NDUFV2: variants seen among roughly 807,000 people sequenced by gnomAD.
NDUFV2 encodes the protein NADH:ubiquinone oxidoreductase core subunit V2.
NDUFV2 carries 18 observed loss-of-function variants against 31.6 expected under a neutral mutation model. The ratio of observed to expected loss-of-function variants is 0.57; its 90% CI spans 0.39 to 0.84. The LOEUF is 0.84. NDUFV2 is among the 40% of genes least tolerant of loss of function. NDUFV2 has a pLI of 0.00. For missense variants in NDUFV2, 314 were observed against 303.6 expected, an observed-to-expected ratio of 1.03 and a Z score of -0.26; for synonymous variants, 83 against 99.8, an observed-to-expected ratio of 0.83 and a Z score of 1.01.
At chr18:9,118,251 T>G (rs1188426194) in intron 2 of NDUFV2, among the ~76,000 whole-genome samples, 3 of 152,212 alleles carry the variant, frequency 2.0e-5, no homozygotes, top group African/African-American at 4.8e-5. Flanking sequence ...GACACTAGTT[T>G]GAAACTCATG....
In NDUFV2 at chr18:9,104,946, C is replaced by A. The variant is rs942686355; in HGVS notation, c.54+2149C>A. The A allele has an allele frequency of 5.2e-6, 8 of 1,551,258 alleles. No homozygotes were observed. The African/African-American group carries it at 1.1e-4, about 21-fold the overall frequency. On this transcript the variant is annotated intron_variant, in intron 1 of 7. Coordinates refer to ENST00000318388, the MANE Select transcript of NDUFV2 (RefSeq NM_021074.5). Reference sequence around the variant, plus strand: ...ATTTTGATGTCTACACATAACAGACCTTACAGACAATTTGTTTCTACAAAA... The same window carrying A: ...ATTTTGATGTCTACACATAACAGACATTACAGACAATTTGTTTCTACAAAA...
chr18:9,124,574 G>T (rs1214678094), intron 5 of NDUFV2, among the ~76,000 whole-genome samples: 1 of 149,512 alleles, frequency 6.7e-6, no homozygotes, highest in African/African-American at 2.5e-5. Context: ...TCAGCCTCCC[G>T]AGTAGGTGGC....
At chr18:9,116,935 G>A (rs1054818182) in intron 1 of NDUFV2, among the ~76,000 whole-genome samples, 2 of 152,094 alleles carry the variant, frequency 1.3e-5, no homozygotes, top group African/African-American at 4.8e-5. Flanking sequence ...AGGAGCAAGA[G>A]GGCAAAGAGA....
At chr18:9,112,189 T>G (rs903935187) in intron 1 of NDUFV2, among the ~76,000 whole-genome samples, 1 of 151,616 alleles carries the variant, frequency 6.6e-6, no homozygotes, top group Non-Finnish European at 1.5e-5. Flanking sequence ...CGGTGAATTT[T>G]TGTATTTTTA....
chr18:9,131,808 A>T (rs981378754), intron 7 of NDUFV2, among the ~76,000 whole-genome samples: 1 of 152,148 alleles, frequency 6.6e-6, no homozygotes, highest in African/African-American at 2.4e-5. Context: ...ATTAGATGGC[A>T]TTTTAAGCAT....
chr18:9,122,545 A>G lies in NDUFV2; in HGVS notation c.333A>G (p.Arg111=), dbSNP rs769512075. ...VAEVLQVPPM[R]VYEVATFYTM... is the part of the protein sequence containing the mutation. ...AAGTTTTACAAGTACCTCCAATGAG[A>G]GTATATGAAGTAGCAACTTTTTATA... Residue 111 remains arginine (R), a synonymous_variant, in exon 5 of 8, where the codon AGA becomes AGG. Coordinates refer to ENST00000318388, the MANE Select transcript of NDUFV2 (RefSeq NM_021074.5). The G allele has an allele frequency of 6.2e-7, 1 of 1,613,890 alleles. No homozygotes were observed. Among genetic ancestry groups the G allele is most frequent in the South Asian group, 1.1e-5 (1 of 91,074 alleles).
chr18:9,130,434 T>G (rs2078030178), intron 7 of NDUFV2, among the ~76,000 whole-genome samples: 1 of 152,238 alleles, frequency 6.6e-6, no homozygotes, highest in African/African-American at 2.4e-5. Flanking sequence ...TCTCTTTTTT[T>G]ACTTACTACC....
chr18:9,124,509 C>T (rs113793340), intron 5 of NDUFV2, among the ~76,000 whole-genome samples: 3,155 of 144,536 alleles, frequency 0.022, 109 homozygotes, highest in African/African-American at 0.077. Flanking sequence ...AGTGCAGTGG[C>T]GCAATCTCGG....
In NDUFV2 at chr18:9,124,890, G is replaced by GACT. The variant is rs1288775409; in HGVS notation, c.489_491dup (p.Thr164dup). On this transcript the variant is annotated inframe_insertion, in exon 6 of 8. Transcript: ENST00000318388. ...TATTTTTAGGAATAAAGGTTGGGGAGACTACACCTGACAAACTTTTCACTC... is the reference window on the plus strand; with the variant it reads ...TATTTTTAGGAATAAAGGTTGGGGAGACTACTACACCTGACAAACTTTTCACTC... 1.9e-6 allele frequency: 3 copies of GACT among 1,611,722 alleles called. No homozygotes were observed. In the South Asian group the frequency reaches 3.3e-5, roughly 18 times the overall value.
chr18:9,130,182 T>G (rs1237400210), intron 7 of NDUFV2, among the ~76,000 whole-genome samples: 1 of 152,206 alleles, frequency 6.6e-6, no homozygotes, highest in Non-Finnish European at 1.5e-5. Context: ...GGGTAGTATT[T>G]AAAGTTATAA....
At chr18:9,124,839 A>T in intron 5 of NDUFV2, 35 bp from the exon 6 acceptor site, 1 of 1,587,372 alleles carries the variant, frequency 6.3e-7, no homozygotes, top group Non-Finnish European at 8.6e-7. Flanking sequence ...ATTAAAATAT[A>T]ACCTGGTCCT....
chr18:9,126,936 T>C (rs2077996404), intron 7 of NDUFV2, 29 bp downstream of exon 7: 1 of 1,540,324 alleles, frequency 6.5e-7, no homozygotes, highest in African/African-American at 1.4e-5. Flanking sequence ...TAGGAAGTTT[T>C]AGTGGCTCAC....
At chr18:9,117,091 C>T (rs1367911942) in intron 1 of NDUFV2, among the ~76,000 whole-genome samples, 4 of 150,172 alleles carry the variant, frequency 2.7e-5, no homozygotes, top group Admixed American at 6.6e-5. Flanking sequence ...GGCTGGAGTG[C>T]GGTGGCGCGA....
intron 1 of NDUFV2, among the ~76,000 whole-genome samples, chr18:9,107,041 C>T (rs1420802032): frequency 1.3e-5 from 2 of 152,088 alleles, no homozygotes; most frequent in African/African-American, 4.8e-5. Flanking sequence ...CCTTAATTCT[C>T]TTTTGTTGTG....
intron 4 of NDUFV2, 72 bp from the exon 5 acceptor site, chr18:9,122,441 T>G: frequency 3.0e-6 from 4 of 1,346,328 alleles, no homozygotes; most frequent in Non-Finnish European, 4.2e-6. Flanking sequence ...GAAATTATAC[T>G]TTGTACAACA....
intron 5 of NDUFV2, 69 bp from the exon 6 acceptor site, chr18:9,124,805 T>C: frequency 1.4e-6 from 2 of 1,438,772 alleles, no homozygotes; most frequent in Non-Finnish European, 1.9e-6. Flanking sequence ...AAAATTCTTT[T>C]TTTTTTTTTT....
intron 7 of NDUFV2, among the ~76,000 whole-genome samples, chr18:9,133,821 T>G (rs1306962377): frequency 6.6e-6 from 1 of 152,242 alleles, no homozygotes; most frequent in Non-Finnish European, 1.5e-5. Context: ...TTGCTTTGAT[T>G]CTTGGGTAGA....
chr18:9,103,966 A>G lies in NDUFV2; in HGVS notation c.54+1169A>G, dbSNP rs74650792. On this transcript the variant is annotated intron_variant, in intron 1 of 7. Transcript: ENST00000318388. ...TCCTCATATTACAGATAAGGAAAAG[A>G]TTTAGACAGTTCCCGTTCTTTTGGA... The G allele has an allele frequency of 4.8e-3, 2,645 of 556,392 alleles. 81 individuals are homozygous for G. In the East Asian group the frequency reaches 0.069, roughly 15 times the overall value. The allele number at this position is 556,392 out of a possible 1,614,324, so 34.5% of individuals were successfully genotyped here. A position where few individuals can be genotyped will look rare whatever the true frequency, so the allele number is the denominator to read the frequency against.
intron 1 of NDUFV2, among the ~76,000 whole-genome samples, chr18:9,111,309 G>C (rs1334512873): frequency 6.6e-6 from 1 of 152,186 alleles, no homozygotes; most frequent in Non-Finnish European, 1.5e-5. Flanking sequence ...ATTAAATAAT[G>C]TGTAAAAAGC....
Sources: allele counts gnomAD v4.1 joint callset (sites outside exome capture counted in the v4.1 genomes callset), GRCh38; gene constraint gnomAD v4.1.1; transcripts MANE v1.5; gene names NCBI Gene and HGNC (gene_info 2026-07-23, HGNC 2026-07-21).